MACROH2A2: variants seen among roughly 807,000 people sequenced by gnomAD.
MACROH2A2 encodes core histone macro-H2A.2.
MACROH2A2 carries 6 observed loss-of-function variants against 37.6 expected under a neutral mutation model. That is an observed-to-expected ratio of 0.16 (90% CI 0.09 to 0.32). The LOEUF (loss-of-function observed/expected upper bound fraction) is 0.32. Among genes scored for constraint, MACROH2A2 ranks in the 10% least tolerant of loss-of-function variants. The probability of loss-of-function intolerance (pLI) is 1.00; values close to 1 mark genes in which losing one functional copy is unlikely to be tolerated. For synonymous variants in MACROH2A2, 192 were observed against 202.7 expected (o/e 0.95, Z 0.45); for missense variants, 290 against 485.9 (o/e 0.60, Z 3.79).
At chr10:70,109,299 G>T in intron 8 of MACROH2A2, 92 bp downstream of exon 8, 1 of 1,098,214 alleles carries the variant, frequency 9.1e-7, no homozygotes, top group Non-Finnish European at 1.4e-6. Flanking sequence ...TGTTGCCAAG[G>T]GCTGCCAGCA....
At chr10:70,074,704 C>G (rs2072130626) in intron 1 of MACROH2A2, among the ~76,000 whole-genome samples, 2 of 152,082 alleles carry the variant, frequency 1.3e-5, no homozygotes, top group Non-Finnish European at 2.9e-5. Flanking sequence ...AGAGGAAACC[C>G]CTTTCGCTTG....
chr10:70,099,820 C>A (rs568744831), intron 6 of MACROH2A2, among the ~76,000 whole-genome samples: 1 of 152,328 alleles, frequency 6.6e-6, no homozygotes, highest in African/African-American at 2.4e-5. Flanking sequence ...GACTCAAGCA[C>A]GTACAGTACG....
chr10:70,064,989 A>T, intron 1 of MACROH2A2, among the ~76,000 whole-genome samples: 1 of 151,472 alleles, frequency 6.6e-6, no homozygotes, highest in East Asian at 1.9e-4. Flanking sequence ...AAGCTCTTCT[A>T]TCTGCCTATA....
At chr10:70,059,596 C>A (rs930031461) in intron 1 of MACROH2A2, among the ~76,000 whole-genome samples, 1 of 152,196 alleles carries the variant, frequency 6.6e-6, no homozygotes, top group South Asian at 2.1e-4. Context: ...GTCTCGAACT[C>A]CTGACCTCAA....
chr10:70,091,961 CGAG>C lies in MACROH2A2; in HGVS notation c.477+9_477+11del. On this transcript the variant is annotated splice_region_variant and intron_variant, in intron 4 of 8. Transcript: ENST00000373255. ...ACCACGGACGTCCAAAAAGGTAGGC[CGAG>C]GCTGCGTGTCCTGGGCCAGGCACTC... is the stretch of plus-strand genomic sequence containing the variant. 4.3e-6 allele frequency: 7 copies of C among 1,610,920 alleles called. No individual in the cohort carries two copies. Among genetic ancestry groups the C allele is most frequent in the Non-Finnish European group, 5.9e-6 (7 of 1,178,376 alleles).
rs370964255 is a variant in MACROH2A2 at position 70,077,355 on chromosome 10, G to T, written c.172+1525G>T. 4.9e-3 allele frequency among the ~76,000 whole-genome samples: 735 copies of T among 151,546 alleles called. 7 individuals carry two copies. Among genetic ancestry groups the T allele is most frequent in the African/African-American group, 0.017 (702 of 41,220 alleles). On this transcript the variant is annotated intron_variant, in intron 2 of 8. Transcript: ENST00000373255. ...AGCTGAGGCGGGTGGATCACCTGAGGTCAGGAGTTCGAGACCAGCCTGGCC... is the reference window on the plus strand; with the variant it reads ...AGCTGAGGCGGGTGGATCACCTGAGTTCAGGAGTTCGAGACCAGCCTGGCC...
At chr10:70,086,520 C>A (rs2072212659) in intron 2 of MACROH2A2, among the ~76,000 whole-genome samples, 1 of 152,208 alleles carries the variant, frequency 6.6e-6, no homozygotes, top group Non-Finnish European at 1.5e-5. Context: ...GTCTGTGCAT[C>A]TGTCTGTCAA....
At chr10:70,067,861 G>A (rs2072087673) in intron 1 of MACROH2A2, among the ~76,000 whole-genome samples, 1 of 152,096 alleles carries the variant, frequency 6.6e-6, no homozygotes, top group Admixed American at 6.5e-5. Context: ...AAATAAAACT[G>A]AAAAAATAAC....
At chr10:70,066,694 T>C (rs1313864984) in intron 1 of MACROH2A2, among the ~76,000 whole-genome samples, 1 of 152,224 alleles carries the variant, frequency 6.6e-6, no homozygotes. Flanking sequence ...GTGGATCCTA[T>C]ATTTGTGAAT....
chr10:70,070,962 A>AGTGT (rs9299504), intron 1 of MACROH2A2, among the ~76,000 whole-genome samples: 19 of 150,136 alleles, frequency 1.3e-4, no homozygotes, highest in South Asian at 8.5e-4. Flanking sequence ...TTTTGAGGAA[A>AGTGT]GTGTGTGTGT....
chr10:70,089,916 T>TA, intron 2 of MACROH2A2, 144 bp from the exon 3 acceptor site: 2 of 690,206 alleles, frequency 2.9e-6, no homozygotes, highest in Non-Finnish European at 5.2e-6. Flanking sequence ...TGAGTTCTCT[T>TA]ACGCTTCCTG....
intron 1 of MACROH2A2, among the ~76,000 whole-genome samples, chr10:70,061,109 T>C (rs2072047952): frequency 6.6e-6 from 1 of 152,202 alleles, no homozygotes; most frequent in Admixed American, 6.5e-5. Flanking sequence ...TAAGGGCATG[T>C]GCTAAGGGGT....
At chr10:70,080,819 A>G (rs1208602699) in intron 2 of MACROH2A2, among the ~76,000 whole-genome samples, 1 of 128,594 alleles carries the variant, frequency 7.8e-6, no homozygotes, top group African/African-American at 2.9e-5. Context: ...CGGGAGGTGG[A>G]GGTTGCAGTG....
chr10:70,068,473 C>G (rs2072091263), intron 1 of MACROH2A2, among the ~76,000 whole-genome samples: 2 of 152,114 alleles, frequency 1.3e-5, no homozygotes, highest in Non-Finnish European at 2.9e-5. Context: ...CTTAAATAAC[C>G]ACAATGAATT....
intron 4 of MACROH2A2, 21 bp downstream of exon 4, chr10:70,091,975 C>CTGGG: frequency 1.3e-6 from 2 of 1,596,190 alleles, no homozygotes; most frequent in Non-Finnish European, 1.7e-6. Flanking sequence ...GCTGCGTGTC[C>CTGGG]TGGGCCAGGC....
intron 2 of MACROH2A2, among the ~76,000 whole-genome samples, chr10:70,088,133 C>T (rs2072222082): frequency 6.6e-6 from 1 of 151,660 alleles, no homozygotes; most frequent in African/African-American, 2.4e-5. Context: ...CATATGCCCG[C>T]CTGCACACTC....
intron 4 of MACROH2A2, 30 bp downstream of exon 4, chr10:70,091,984 G>T (rs1166354137): frequency 1.3e-6 from 2 of 1,556,964 alleles, no homozygotes; most frequent in Non-Finnish European, 1.8e-6. Flanking sequence ...CCTGGGCCAG[G>T]CACTCCCACT....
At chr10:70,100,991 C>T (rs1324420447) in intron 7 of MACROH2A2, among the ~76,000 whole-genome samples, 1 of 152,200 alleles carries the variant, frequency 6.6e-6, no homozygotes, top group Non-Finnish European at 1.5e-5. Context: ...TCACCACCAC[C>T]TAGTCCAGAG....
In MACROH2A2 at chr10:70,053,792, C is replaced by T. The variant is rs2071991812; in HGVS notation, c.-60+792C>T. ...GAAATGGCGGCCCGGCCGTGGCTCG[C>T]CTGGGCAGTCTGGCTCCCGCTTTGC... On this transcript the variant is annotated intron_variant, in intron 1 of 8. Transcript: ENST00000373255. This position sits in a 1 kb window ranked among gnomAD's most constrained non-coding sequence, Gnocchi z 4.8. Among the ~76,000 whole-genome samples the T allele has an allele frequency of 6.6e-6, 1 of 151,990 alleles. No individual in the cohort carries two copies. The highest frequency in any genetic ancestry group is 1.5e-5 in the Non-Finnish European group (1 of 67,968).
Sources: gnomAD v4.1 joint callset for allele counts (sites outside exome capture counted in the v4.1 genomes callset) on GRCh38, gnomAD v4.1.1 for gene constraint, Gnocchi (gnomAD v3.1) non-coding constraint, MANE v1.5 for transcripts, NCBI Gene and HGNC (gene_info 2026-07-23, HGNC 2026-07-21) for gene names.